Variants in CDH13 observed in about 807,000 individuals in gnomAD.
CDH13 encodes the protein cadherin 13.
In CDH13, 24 loss-of-function variants were observed where a neutral mutation model predicts 63.8. That is an observed-to-expected ratio of 0.38 (90% CI 0.27 to 0.53). CDH13 has a LOEUF of 0.53. CDH13 is among the 20% of genes least tolerant of loss of function. The pLI is 0.85. For missense variants in CDH13, 1,049 were observed against 903.1 expected (o/e 1.16, Z -2.07); for synonymous variants, 503 against 355.3 (o/e 1.42, Z -4.67).
At chr16:82,719,703 G>T (rs1252507497) in intron 1 of CDH13, among the ~76,000 whole-genome samples, 1 of 151,984 alleles carries the variant, frequency 6.6e-6, no homozygotes, top group East Asian at 1.9e-4. Flanking sequence ...AAATTTATCT[G>T]GGTGTGGTGG....
chr16:82,650,238 T>C (rs1910569496), intron 1 of CDH13, among the ~76,000 whole-genome samples: 1 of 152,192 alleles, frequency 6.6e-6, no homozygotes, highest in African/African-American at 2.4e-5. Context: ...GTTGCATTTT[T>C]TTCTCCTTTT....
chr16:83,657,525 C>A (rs1482337467), intron 8 of CDH13, among the ~76,000 whole-genome samples: 1 of 152,156 alleles, frequency 6.6e-6, no homozygotes, highest in African/African-American at 2.4e-5. Context: ...CCAGTAGCTC[C>A]AAAGTGTTCC....
At chr16:83,170,937 C>T (rs945998400) in intron 4 of CDH13, among the ~76,000 whole-genome samples, 3 of 152,068 alleles carry the variant, frequency 2.0e-5, no homozygotes, top group Non-Finnish European at 2.9e-5. Flanking sequence ...CCTCTTCCAT[C>T]GTCGCTATCC....
At chr16:82,862,708 A>G (rs935057945) in intron 2 of CDH13, among the ~76,000 whole-genome samples, 1 of 152,256 alleles carries the variant, frequency 6.6e-6, no homozygotes, top group African/African-American at 2.4e-5. Context: ...AAGAACCTGC[A>G]TTAACAAGAG....
chr16:83,346,978 C>T (rs1401460012), intron 6 of CDH13, among the ~76,000 whole-genome samples: 1 of 152,156 alleles, frequency 6.6e-6, no homozygotes, highest in African/African-American at 2.4e-5. Flanking sequence ...TTTTCTTTCT[C>T]AGCACCCTCT....
At chr16:83,366,571 G>A (rs1242584138) in intron 6 of CDH13, among the ~76,000 whole-genome samples, 1 of 152,182 alleles carries the variant, frequency 6.6e-6, no homozygotes, top group Non-Finnish European at 1.5e-5. Flanking sequence ...CCCTGCGATT[G>A]GGATAAGCTA....
intron 4 of CDH13, among the ~76,000 whole-genome samples, chr16:83,152,241 T>C (rs1340321433): frequency 1.3e-5 from 2 of 152,212 alleles, no homozygotes; most frequent in Admixed American, 6.5e-5. Context: ...TGTGAACTAG[T>C]GCTCTCTTGA....
intron 6 of CDH13, among the ~76,000 whole-genome samples, chr16:83,347,350 G>C (rs1567608040): frequency 6.6e-6 from 1 of 150,966 alleles, no homozygotes; most frequent in African/African-American, 2.4e-5. Context: ...GGTGGGGGTA[G>C]GGGTGGGGTT....
At chr16:82,703,558 G>A (rs1480225223) in intron 1 of CDH13, among the ~76,000 whole-genome samples, 1 of 152,194 alleles carries the variant, frequency 6.6e-6, no homozygotes, top group Admixed American at 6.5e-5. Flanking sequence ...TACCTGGACT[G>A]ATAATGCTTT....
intron 5 of CDH13, among the ~76,000 whole-genome samples, chr16:83,229,908 C>T (rs760128844): frequency 7.2e-5 from 11 of 152,116 alleles, no homozygotes; most frequent in Admixed American, 1.3e-4. Context: ...ACTGGAGAGT[C>T]GCATCCTCGT....
intron 2 of CDH13, among the ~76,000 whole-genome samples, chr16:82,924,201 C>T (rs1214202341): frequency 2.0e-5 from 3 of 152,088 alleles, no homozygotes; most frequent in African/African-American, 7.2e-5. Flanking sequence ...TTGAGAAGCT[C>T]GAGGTTAGCA....
chr16:83,200,668 GA>G (rs2039000093), intron 4 of CDH13, among the ~76,000 whole-genome samples: 1 of 152,158 alleles, frequency 6.6e-6, no homozygotes, highest in African/African-American at 2.4e-5. Flanking sequence ...AACTTGAGAG[GA>G]ACTTAAATCT....
chr16:83,423,348 A>G (rs2071774047), intron 6 of CDH13, among the ~76,000 whole-genome samples: 2 of 152,202 alleles, frequency 1.3e-5, no homozygotes, highest in Admixed American at 1.3e-4. Context: ...TCAAAGAAGA[A>G]AAAAAGCCTA....
At chr16:83,372,531 A>G (rs1423838443) in intron 6 of CDH13, among the ~76,000 whole-genome samples, 1 of 152,014 alleles carries the variant, frequency 6.6e-6, no homozygotes, top group African/African-American at 2.4e-5. Flanking sequence ...AGGCAGGTGG[A>G]CCACGAGGTC....
intron 7 of CDH13, among the ~76,000 whole-genome samples, chr16:83,490,182 C>A (rs1428096742): frequency 1.3e-5 from 2 of 152,148 alleles, no homozygotes; most frequent in Non-Finnish European, 2.9e-5. Context: ...AATTTTTCAT[C>A]TTTATTTTCC....
At chr16:83,763,827 G>T (rs1914170630) in intron 11 of CDH13, among the ~76,000 whole-genome samples, 1 of 152,064 alleles carries the variant, frequency 6.6e-6, no homozygotes, top group African/African-American at 2.4e-5. Flanking sequence ...CCCAATAAAA[G>T]AACTCTTAAG....
At chr16:82,642,724 AATAGTAGCTG>A (rs1234165049) in intron 1 of CDH13, among the ~76,000 whole-genome samples, 1 of 152,222 alleles carries the variant, frequency 6.6e-6, no homozygotes, top group Non-Finnish European at 1.5e-5. Flanking sequence ...AAGTGGCAGT[AATAGTAGCTG>A]ATATCAGTGT....
rs192216350 is a variant in CDH13, at chr16:83,687,029, G to A, written c.1538+8568G>A. Among the ~76,000 whole-genome samples the A allele has an allele frequency of 5.3e-5, 8 of 152,128 alleles. 1 individual carries two copies. Among genetic ancestry groups the A allele is most frequent in the Non-Finnish European group, 1.2e-4 (8 of 68,028 alleles). ...ATTCAAGAACAGCCTGACCAACATG[G>A]TGAAACCCCATCTGTACTAAAAATA... On this transcript the variant is annotated intron_variant, in intron 10 of 13. Coordinates refer to ENST00000567109, the MANE Select transcript of CDH13 (RefSeq NM_001257.5).
At chr16:83,533,781 C>T (rs1287188695) in intron 7 of CDH13, among the ~76,000 whole-genome samples, 1 of 151,828 alleles carries the variant, frequency 6.6e-6, no homozygotes, top group African/African-American at 2.4e-5. Flanking sequence ...CCACCACGCC[C>T]AGCTAATTTT....
Sources: gnomAD v4.1 joint callset for allele counts (sites outside exome capture counted in the v4.1 genomes callset) on GRCh38, gnomAD v4.1.1 for gene constraint, MANE v1.5 for transcripts, NCBI Gene and HGNC (gene_info 2026-07-23, HGNC 2026-07-21) for gene names.